Variants in PRELID2 observed in about 807,000 individuals in gnomAD.
PRELID2 encodes the protein PRELI domain containing 2, also known as PRELI domain-containing protein 2.
Under a neutral mutation model 28.4 loss-of-function variants are expected in PRELID2, and 25 were observed. That is an observed-to-expected ratio of 0.88 (90% CI 0.64 to 1.23). The LOEUF (loss-of-function observed/expected upper bound fraction) is 1.23, where lower values mean the gene tolerates loss of function less well. Ranked by LOEUF, PRELID2 falls within the 50% of genes most tolerant of loss-of-function variation. The probability of loss-of-function intolerance (pLI) is 0.00; values close to 1 mark genes in which losing one functional copy is unlikely to be tolerated. For missense variants in PRELID2, 201 were observed against 214.4 expected (o/e 0.94, Z 0.39); for synonymous variants, 76 against 71.6 (o/e 1.06, Z -0.31).
chr5:145,314,706 AG>A, the PRELID2 span, among the ~76,000 whole-genome samples: 2 of 152,050 alleles, frequency 1.3e-5, no homozygotes, highest in East Asian at 3.8e-4. Flanking sequence ...ATCATTTCAA[AG>A]TAAGTTGCCA....
At chr5:145,423,152 T>C in the PRELID2 span, among the ~76,000 whole-genome samples, 10 of 152,182 alleles carry the variant, frequency 6.6e-5, no homozygotes, top group East Asian at 1.9e-3. Flanking sequence ...AACCTTTCTC[T>C]CTGGCTGCCC....
At chr5:145,440,090 G>A in the PRELID2 span, among the ~76,000 whole-genome samples, 1 of 152,102 alleles carries the variant, frequency 6.6e-6, no homozygotes, top group African/African-American at 2.4e-5. Context: ...GCTCTAAGCT[G>A]TGAAACCCTT....
chr5:145,430,290 T>G, the PRELID2 span, among the ~76,000 whole-genome samples: 8 of 152,238 alleles, frequency 5.3e-5, no homozygotes, highest in African/African-American at 1.9e-4. Flanking sequence ...TTTTGGTATT[T>G]GTCAGAATAG....
chr5:145,739,548 A>C (rs1756592230), intron 1 of PRELID2, among the ~76,000 whole-genome samples: 1 of 152,146 alleles, frequency 6.6e-6, no homozygotes, highest in African/African-American at 2.4e-5. Context: ...GAAAGAAAGA[A>C]TAAAGTAAGA....
At chr5:145,681,804 G>A (rs943708290) in intron 1 of PRELID2, among the ~76,000 whole-genome samples, 2 of 152,110 alleles carry the variant, frequency 1.3e-5, no homozygotes, top group South Asian at 4.1e-4. Flanking sequence ...AGGGAGCTAG[G>A]CTAGAAAGTA....
chr5:145,379,701 T>A, the PRELID2 span, among the ~76,000 whole-genome samples: 1 of 151,656 alleles, frequency 6.6e-6, no homozygotes, highest in African/African-American at 2.4e-5. Flanking sequence ...AGCAAAGCAA[T>A]GTGGGGAGTT....
chr5:145,525,135 T>A (rs6860490), intron 1 of PRELID2, among the ~76,000 whole-genome samples: 40 of 152,338 alleles, frequency 2.6e-4, no homozygotes, highest in African/African-American at 8.7e-4. Context: ...TATTTCAATA[T>A]GTTCACATTA....
At chr5:145,334,956 T>G in the PRELID2 span, among the ~76,000 whole-genome samples, 5 of 152,234 alleles carry the variant, frequency 3.3e-5, no homozygotes, top group East Asian at 9.6e-4. Context: ...ATCTTGGTGT[T>G]ACGTTCTTGG....
the PRELID2 span, among the ~76,000 whole-genome samples, chr5:145,270,034 G>C: frequency 6.6e-6 from 1 of 151,340 alleles, no homozygotes; most frequent in South Asian, 2.1e-4. Context: ...AGCACAATAA[G>C]ATACAATTGC....
the PRELID2 span, among the ~76,000 whole-genome samples, chr5:145,385,156 T>G: frequency 6.6e-6 from 1 of 152,314 alleles, no homozygotes; most frequent in African/African-American, 2.4e-5. Context: ...CGTGTTATAC[T>G]GCATGTAAAA....
chr5:145,331,629 C>G, the PRELID2 span, among the ~76,000 whole-genome samples: 1 of 151,712 alleles, frequency 6.6e-6, no homozygotes, highest in Non-Finnish European at 1.5e-5. Context: ...CTTGGTAAGT[C>G]TTCCTCCATC....
intron 1 of PRELID2, among the ~76,000 whole-genome samples, chr5:145,641,479 C>G (rs1451635932): frequency 6.6e-6 from 1 of 152,034 alleles, no homozygotes; most frequent in Non-Finnish European, 1.5e-5. Flanking sequence ...ATTGACAATA[C>G]CAGTGTTAGG....
Position 145,699,060 on chromosome 5 carries a change from G to A in PRELID2, n.70+65871C>T, listed in dbSNP as rs529402056. Among the ~76,000 whole-genome samples the A allele has an allele frequency of 2.6e-5, 4 of 152,244 alleles. No homozygotes were observed. The South Asian group carries it at 8.3e-4, about 32-fold the overall frequency. On this transcript the variant is annotated intron_variant and non_coding_transcript_variant, in intron 1 of 2. Transcript: ENST00000510259. ...CTCTTTATACCGTCATCACCTTGGG[G>A]TTTAGCAATTCAACATAAGAATCTT... is the stretch of plus-strand genomic sequence containing the variant.
intron 1 of PRELID2, among the ~76,000 whole-genome samples, chr5:145,575,307 G>A (rs1283458798): frequency 2.0e-5 from 3 of 152,140 alleles, no homozygotes; most frequent in Non-Finnish European, 4.4e-5. Context: ...ACAGGAAGAT[G>A]CCTGAGGGAC....
the PRELID2 span, among the ~76,000 whole-genome samples, chr5:145,345,900 G>A: frequency 6.6e-6 from 1 of 151,784 alleles, no homozygotes; most frequent in Non-Finnish European, 1.5e-5. Flanking sequence ...AATACACTGT[G>A]GGGGGAGGCA....
At chr5:145,653,266 T>G (rs1397993530) in intron 1 of PRELID2, among the ~76,000 whole-genome samples, 8 of 152,180 alleles carry the variant, frequency 5.3e-5, no homozygotes, top group Non-Finnish European at 7.3e-5. Flanking sequence ...CTTAGAGACC[T>G]ACAAAGAGAC....
the PRELID2 span, among the ~76,000 whole-genome samples, chr5:145,456,021 A>C: frequency 6.6e-6 from 1 of 152,190 alleles, no homozygotes; most frequent in African/African-American, 2.4e-5. Flanking sequence ...TGCACTTAAG[A>C]TAAAACTCAG....
At chr5:145,788,902 C>A (rs1346555968) in intron 5 of PRELID2, among the ~76,000 whole-genome samples, 1 of 152,056 alleles carries the variant, frequency 6.6e-6, no homozygotes, top group African/African-American at 2.4e-5. Context: ...AAATCAATCT[C>A]ATTTATAGTA....
chr5:145,718,766 T>A (rs1032599308), intron 1 of PRELID2, among the ~76,000 whole-genome samples: 2 of 151,870 alleles, frequency 1.3e-5, no homozygotes, highest in Non-Finnish European at 2.9e-5. Flanking sequence ...TAAGAAAAGA[T>A]TTGATTGTTT....
Sources: allele counts gnomAD v4.1 joint callset (sites outside exome capture counted in the v4.1 genomes callset), GRCh38; gene constraint gnomAD v4.1.1; transcripts MANE v1.5; gene names NCBI Gene and HGNC (gene_info 2026-07-23, HGNC 2026-07-21).